GRID1: variants seen among roughly 807,000 people sequenced by gnomAD.
The protein encoded by GRID1 is glutamate ionotropic receptor delta type subunit 1, also known as glutamate receptor ionotropic, delta-1.
GRID1 carries 28 observed loss-of-function variants against 98.0 expected under a neutral mutation model. The observed-to-expected ratio is 0.29, with a 90% CI of 0.21 to 0.39. The LOEUF (loss-of-function observed/expected upper bound fraction) is 0.39, where lower values mean the gene tolerates loss of function less well. Ranked by LOEUF, GRID1 falls within the 10% of genes least tolerant of loss-of-function variation. The pLI is 1.00. For missense variants in GRID1, 1,111 were observed against 1,340.5 expected (o/e 0.83, Z 2.67); for synonymous variants, 553 against 538.5 (o/e 1.03, Z -0.37).
chr10:86,204,144 C>T (rs1845992692), intron 3 of GRID1, among the ~76,000 whole-genome samples: 1 of 152,150 alleles, frequency 6.6e-6, no homozygotes, highest in Non-Finnish European at 1.5e-5. Context: ...TAGAATACAA[C>T]CTGTTTCCTA....
intron 12 of GRID1, among the ~76,000 whole-genome samples, chr10:85,691,679 C>T (rs1029439274): frequency 1.3e-5 from 2 of 152,214 alleles, no homozygotes; most frequent in Non-Finnish European, 2.9e-5. Flanking sequence ...CAATCAATTT[C>T]AATAAGACAG....
At chr10:86,134,124 A>G (rs565068336) in intron 4 of GRID1, among the ~76,000 whole-genome samples, 147 of 152,370 alleles carry the variant, frequency 9.6e-4, no homozygotes, top group Non-Finnish European at 1.5e-3. Context: ...GAGAGGCCTT[A>G]GTGGATGACA....
intron 4 of GRID1, among the ~76,000 whole-genome samples, chr10:85,921,192 G>T (rs986608341): frequency 1.3e-5 from 2 of 152,208 alleles, no homozygotes; most frequent in Non-Finnish European, 2.9e-5. Context: ...AGTCAGCCAG[G>T]GGTAAAAGGC....
At chr10:85,652,248 TG>T (rs1280426162) in intron 12 of GRID1, among the ~76,000 whole-genome samples, 1 of 152,236 alleles carries the variant, frequency 6.6e-6, no homozygotes, top group African/African-American at 2.4e-5. Flanking sequence ...CCTAGATATA[TG>T]TTCATTAACA....
At chr10:85,937,296 C>CAGAT in intron 4 of GRID1, among the ~76,000 whole-genome samples, 2 of 152,368 alleles carry the variant, frequency 1.3e-5, no homozygotes, top group South Asian at 4.1e-4. Flanking sequence ...ACGTGAAACA[C>CAGAT]AGATGCAGGA....
intron 8 of GRID1, among the ~76,000 whole-genome samples, chr10:85,735,055 G>T (rs1467985387): frequency 6.6e-6 from 1 of 152,166 alleles, no homozygotes; most frequent in Non-Finnish European, 1.5e-5. Flanking sequence ...GCCAGAAAAA[G>T]CTTTCATCCA....
chr10:86,080,378 A>G (rs138534210), intron 4 of GRID1, among the ~76,000 whole-genome samples: 224 of 77,844 alleles, frequency 2.9e-3, no homozygotes, highest in Middle Eastern at 6.0e-3. Flanking sequence ...GAGAAAAAGG[A>G]AAGGAAAGGG....
At chr10:85,803,457 C>T (rs1189382564) in intron 8 of GRID1, among the ~76,000 whole-genome samples, 2 of 152,014 alleles carry the variant, frequency 1.3e-5, no homozygotes, top group African/African-American at 4.8e-5. Context: ...CCAACAACTT[C>T]AGTGCAAATG....
chr10:85,606,362 C>T (rs1003563915), intron 15 of GRID1: 3 of 152,224 alleles, frequency 2.0e-5, no homozygotes, highest in Admixed American at 1.3e-4. Flanking sequence ...ATCCTCTTCA[C>T]ATCAGTGGGA....
chr10:85,922,039 A>T (rs368402342), intron 4 of GRID1, among the ~76,000 whole-genome samples: 50 of 152,336 alleles, frequency 3.3e-4, no homozygotes, highest in African/African-American at 1.1e-3. Flanking sequence ...TCCCTTAGCC[A>T]GTATTCAGCA....
chr10:85,742,133 C>T (rs1841949992), intron 8 of GRID1, among the ~76,000 whole-genome samples: 1 of 152,206 alleles, frequency 6.6e-6, no homozygotes, highest in African/African-American at 2.4e-5. Flanking sequence ...ATTTTGCTCA[C>T]CAGCATCCAC....
intron 8 of GRID1, among the ~76,000 whole-genome samples, chr10:85,755,359 T>A (rs1394594027): frequency 6.6e-6 from 1 of 152,230 alleles, no homozygotes; most frequent in Non-Finnish European, 1.5e-5. Flanking sequence ...CCGGCTGAGA[T>A]GACTTGGCCT....
chr10:86,072,614 G>C (rs968584601), intron 4 of GRID1, among the ~76,000 whole-genome samples: 12 of 152,288 alleles, frequency 7.9e-5, no homozygotes, highest in African/African-American at 2.9e-4. Context: ...TTAGTAAGGA[G>C]AAAATAATTA....
intron 3 of GRID1, among the ~76,000 whole-genome samples, chr10:86,160,909 T>C (rs562546547): frequency 6.6e-6 from 1 of 152,336 alleles, no homozygotes; most frequent in East Asian, 1.9e-4. Context: ...GAGCACACGC[T>C]CAGTGTGCTG....
At chr10:86,333,770 A>G (rs1393303653) in intron 2 of GRID1, among the ~76,000 whole-genome samples, 1 of 152,194 alleles carries the variant, frequency 6.6e-6, no homozygotes, top group East Asian at 1.9e-4. Context: ...CTATTCCACT[A>G]TTAAGTGGAA....
At position 86,192,104 on chromosome 10, in the gene GRID1, G is replaced by C. The variant is rs1202471246; in HGVS notation, c.520+14260C>G. ...TTGGTGGCAGAATGAAGGATGAATG[G>C]ATGTCTTCCAAACAGTGTGGCACAA... On this transcript the variant is annotated intron_variant, in intron 3 of 15. Transcript: ENST00000327946. The surrounding 1 kb of genome is among the most constrained non-coding windows in gnomAD (Gnocchi z 4.8). Among the ~76,000 whole-genome samples, 2 of 152,094 alleles carry C rather than the reference G, an allele frequency of 1.3e-5. No homozygotes were observed. Among genetic ancestry groups the C allele is most frequent in the Admixed American group, 6.5e-5 (1 of 15,268 alleles).
intron 13 of GRID1, among the ~76,000 whole-genome samples, chr10:85,636,846 A>T (rs1843050029): frequency 6.6e-6 from 1 of 152,326 alleles, no homozygotes; most frequent in Non-Finnish European, 1.5e-5. Context: ...CAAGGGCTTT[A>T]AATGTTTATA....
intron 8 of GRID1, among the ~76,000 whole-genome samples, chr10:85,804,158 G>GA (rs545708638): frequency 4.1e-4 from 61 of 149,902 alleles, no homozygotes; most frequent in South Asian, 8.5e-4. Context: ...AGAAAAAAAT[G>GA]AAAAAAAAGC....
intron 8 of GRID1, among the ~76,000 whole-genome samples, chr10:85,786,852 A>C (rs1015467662): frequency 1.3e-5 from 2 of 152,082 alleles, no homozygotes; most frequent in Non-Finnish European, 2.9e-5. Flanking sequence ...CCAGGCTGCA[A>C]AGGGCAGGGC....
Sources: gnomAD v4.1 joint callset for allele counts (sites outside exome capture counted in the v4.1 genomes callset) on GRCh38, gnomAD v4.1.1 for gene constraint, Gnocchi (gnomAD v3.1) non-coding constraint, MANE v1.5 for transcripts, NCBI Gene and HGNC (gene_info 2026-07-23, HGNC 2026-07-21) for gene names.